ZHX3: variants seen among roughly 807,000 people sequenced by gnomAD.
The protein encoded by ZHX3 is zinc fingers and homeoboxes protein 3.
A neutral mutation model predicts 64.5 loss-of-function variants in ZHX3; 20 were observed. The observed-to-expected ratio is 0.31, with a 90% CI of 0.22 to 0.45. The LOEUF is 0.45. Ranked by LOEUF, ZHX3 falls within the 20% of genes least tolerant of loss-of-function variation. The pLI, the probability that ZHX3 is intolerant of heterozygous loss-of-function variation, is 1.00. For missense variants in ZHX3, 1,041 were observed against 1,195.8 expected (o/e 0.87, Z 1.91); for synonymous variants, 423 against 461.6 (o/e 0.92, Z 1.07).
At chr20:41,276,407 G>A (rs2043383950) in intron 1 of ZHX3, among the ~76,000 whole-genome samples, 2 of 152,090 alleles carry the variant, frequency 1.3e-5, no homozygotes, top group African/African-American at 4.8e-5. Flanking sequence ...CTGGGGAGAG[G>A]AAGCGCCCTG....
chr20:41,290,942 CA>C (rs2044206772), intron 1 of ZHX3, among the ~76,000 whole-genome samples: 1 of 152,194 alleles, frequency 6.6e-6, no homozygotes, highest in African/African-American at 2.4e-5. Flanking sequence ...GGACAATAAA[CA>C]GTGACCCAAT....
Position 41,207,954 on chromosome 20 carries a change from TAAA to T in ZHX3, c.-150-2891_-150-2889del, listed in dbSNP as rs1400569656. Reference sequence around the variant, plus strand: ...ATTGATAGACAGCTAGCAAGACTAATAAAGAAGAAAAGAGAGAAGAATCAAATA... The same window carrying T: ...ATTGATAGACAGCTAGCAAGACTAATGAAGAAAAGAGAGAAGAATCAAATA... On this transcript the variant is annotated intron_variant, in intron 2 of 3. Transcript: ENST00000683867. Among the ~76,000 whole-genome samples, 3 of 151,404 alleles carry T rather than the reference TAAA, an allele frequency of 2.0e-5. No individual in the cohort carries two copies. In the East Asian group the frequency reaches 5.8e-4, roughly 29 times the overall value.
Position 41,205,027 on chromosome 20 carries a change from T to A in ZHX3, c.-111A>T. ...AAAGAAACAGTTTCTAAATGCAGCT[T>A]TTTCAGTTGTTTGCAGAAAGCAGGT... On this transcript the variant is annotated 5_prime_UTR_variant, in exon 3 of 4. Coordinates refer to ENST00000683867, the MANE Select transcript of ZHX3 (RefSeq NM_001384317.1). 3.6e-6 allele frequency: 5 copies of A among 1,375,404 alleles called. No individual in the cohort carries two copies. Among genetic ancestry groups the A allele is most frequent in the Non-Finnish European group, 4.7e-6 (5 of 1,064,460 alleles). 85.2% of individuals were successfully genotyped at this position (1,375,404 alleles called of 1,614,324 possible).
At chr20:41,229,116 T>C (rs1212792040) in intron 2 of ZHX3, among the ~76,000 whole-genome samples, 2 of 152,200 alleles carry the variant, frequency 1.3e-5, no homozygotes, top group East Asian at 3.8e-4. Context: ...CTGCTTTCTG[T>C]CTCTGTAGAT....
At chr20:41,187,197 T>G (rs1203961383) in intron 3 of ZHX3, among the ~76,000 whole-genome samples, 2 of 151,682 alleles carry the variant, frequency 1.3e-5, no homozygotes, top group Non-Finnish European at 2.9e-5. Context: ...ATTAGCCAGG[T>G]GTGCACACTT....
At chr20:41,227,324 C>T (rs1038289854) in intron 2 of ZHX3, among the ~76,000 whole-genome samples, 1 of 152,202 alleles carries the variant, frequency 6.6e-6, no homozygotes, top group Admixed American at 6.5e-5. Context: ...GAATAGTGCT[C>T]AGTACCTGAG....
At chr20:41,246,077 G>A (rs918121112) in intron 2 of ZHX3, among the ~76,000 whole-genome samples, 1 of 152,150 alleles carries the variant, frequency 6.6e-6, no homozygotes. Flanking sequence ...TTTTGTTTCT[G>A]GTTCTTTTGC....
intron 1 of ZHX3, among the ~76,000 whole-genome samples, chr20:41,285,008 T>TC (rs2043867050): frequency 6.6e-6 from 1 of 152,140 alleles, no homozygotes; most frequent in South Asian, 2.1e-4. Context: ...CTCTTACTGG[T>TC]CCTTCAGGTT....
intron 1 of ZHX3, among the ~76,000 whole-genome samples, chr20:41,294,089 T>G (rs1448712409): frequency 1.3e-5 from 2 of 152,148 alleles, no homozygotes; most frequent in East Asian, 3.9e-4. Context: ...TCCCCAGGGC[T>G]GGAAAGAATG....
intron 2 of ZHX3, among the ~76,000 whole-genome samples, chr20:41,236,752 A>T (rs1256341285): frequency 2.0e-5 from 3 of 152,236 alleles, no homozygotes. Flanking sequence ...AATGGCAACA[A>T]AAGCCAAAAT....
chr20:41,197,096 C>T (rs550335034), intron 3 of ZHX3: 93 of 217,896 alleles, frequency 4.3e-4, no homozygotes, highest in Non-Finnish European at 2.7e-4. Flanking sequence ...GAGAAGAAGG[C>T]GTATGTTCAA....
At chr20:41,238,992 CT>C (rs36076017) in intron 2 of ZHX3, among the ~76,000 whole-genome samples, 2,538 of 86,286 alleles carry the variant, frequency 0.029, 37 homozygotes, top group East Asian at 0.26. Context: ...TTTTCTCTCT[CT>C]TTTTTTTTTT....
chr20:41,255,627 A>G (rs2042210068), intron 2 of ZHX3, among the ~76,000 whole-genome samples: 1 of 152,190 alleles, frequency 6.6e-6, no homozygotes, highest in Non-Finnish European at 1.5e-5. Flanking sequence ...TTTTACCAAC[A>G]AGGACATATC....
intron 2 of ZHX3, among the ~76,000 whole-genome samples, chr20:41,214,737 A>G (rs1258412470): frequency 6.6e-6 from 1 of 152,236 alleles, no homozygotes; most frequent in Non-Finnish European, 1.5e-5. Flanking sequence ...AATTATCTAG[A>G]AAATCATTCA....
chr20:41,214,089 A>C (rs1271241911), intron 2 of ZHX3, among the ~76,000 whole-genome samples: 5 of 152,174 alleles, frequency 3.3e-5, no homozygotes, highest in Non-Finnish European at 7.3e-5. Flanking sequence ...AAAAAGAAAA[A>C]TTAAGTCTCA....
At chr20:41,223,885 T>C (rs1393634062) in intron 2 of ZHX3, among the ~76,000 whole-genome samples, 2 of 152,200 alleles carry the variant, frequency 1.3e-5, no homozygotes, top group African/African-American at 4.8e-5. Context: ...AAATACCAAG[T>C]AGTGCTCCTT....
chr20:41,221,181 T>C (rs1193422675), intron 2 of ZHX3, among the ~76,000 whole-genome samples: 1 of 152,206 alleles, frequency 6.6e-6, no homozygotes, highest in Non-Finnish European at 1.5e-5. Flanking sequence ...AACAGTGGCA[T>C]CTAAATCTAA....
intron 2 of ZHX3, among the ~76,000 whole-genome samples, chr20:41,240,798 C>T (rs930750565): frequency 6.6e-6 from 1 of 152,196 alleles, no homozygotes; most frequent in Non-Finnish European, 1.5e-5. Context: ...TTTCACTTAA[C>T]ATAATGACCT....
At chr20:41,299,513 T>A (rs766316456) in intron 1 of ZHX3, among the ~76,000 whole-genome samples, 1 of 151,938 alleles carries the variant, frequency 6.6e-6, no homozygotes, top group Non-Finnish European at 1.5e-5. Flanking sequence ...TAGAGTGAAT[T>A]TGGAGCTGAG....
Sources: allele counts gnomAD v4.1 joint callset (sites outside exome capture counted in the v4.1 genomes callset), GRCh38; gene constraint gnomAD v4.1.1; transcripts MANE v1.5; gene names NCBI Gene and HGNC (gene_info 2026-07-23, HGNC 2026-07-21).